The following CACNA2D3 variants were observed in gnomAD, a reference collection of about 807,000 sequenced individuals.
CACNA2D3 encodes the protein voltage-dependent calcium channel subunit alpha-2/delta-3.
CACNA2D3 carries 60 observed loss-of-function variants against 160.6 expected under a neutral mutation model. That is an observed-to-expected ratio of 0.37 (90% CI 0.30 to 0.46). CACNA2D3 has a LOEUF of 0.46. Ranked by LOEUF, CACNA2D3 falls within the 20% of genes least tolerant of loss-of-function variation. The pLI, the probability that CACNA2D3 is intolerant of heterozygous loss-of-function variation, is 1.00. For synonymous variants in CACNA2D3, 558 were observed against 492.9 expected (o/e 1.13, Z -1.75); for missense variants, 1,205 against 1,365.0 (o/e 0.88, Z 1.85).
chr3:54,580,030 A>AG (rs906292926), intron 8 of CACNA2D3, among the ~76,000 whole-genome samples: 85 of 152,216 alleles, frequency 5.6e-4, no homozygotes, highest in African/African-American at 1.9e-3. Flanking sequence ...GGGGGCATTG[A>AG]GGACCTGTTG....
At chr3:54,780,603 G>A (rs1702514875) in intron 13 of CACNA2D3, among the ~76,000 whole-genome samples, 1 of 152,144 alleles carries the variant, frequency 6.6e-6, no homozygotes, top group African/African-American at 2.4e-5. Flanking sequence ...AGCTTCTTTA[G>A]CATTAGCCCT....
At chr3:54,924,163 G>A (rs780951984) in intron 27 of CACNA2D3, among the ~76,000 whole-genome samples, 15 of 152,182 alleles carry the variant, frequency 9.9e-5, no homozygotes, top group Non-Finnish European at 2.1e-4. Flanking sequence ...TGCTAAAGCA[G>A]AAAGGACAAT....
intron 2 of CACNA2D3, among the ~76,000 whole-genome samples, chr3:54,180,507 C>A (rs1700764306): frequency 6.6e-6 from 1 of 152,182 alleles, no homozygotes; most frequent in African/African-American, 2.4e-5. Flanking sequence ...TGAGATACAT[C>A]AACCTACTAC....
chr3:54,148,039 C>T (rs1559862537), intron 2 of CACNA2D3, among the ~76,000 whole-genome samples: 1 of 152,190 alleles, frequency 6.6e-6, no homozygotes, highest in Non-Finnish European at 1.5e-5. Flanking sequence ...CCTTGTGATC[C>T]GTCCGCCTTG....
chr3:54,307,792 A>G (rs1034333538), intron 2 of CACNA2D3, among the ~76,000 whole-genome samples: 2 of 152,228 alleles, frequency 1.3e-5, no homozygotes, highest in African/African-American at 2.4e-5. Context: ...TTCGATTTCC[A>G]GGACATCTTG....
intron 4 of CACNA2D3, among the ~76,000 whole-genome samples, chr3:54,424,964 A>G (rs1473526971): frequency 6.6e-6 from 1 of 152,192 alleles, no homozygotes; most frequent in Non-Finnish European, 1.5e-5. Context: ...TACAGAAAAA[A>G]GAGAGAAGGA....
rs192468666 is a variant in CACNA2D3 at position 55,017,852 on chromosome 3, T to C, written c.2876-354T>C. 2.0e-5 allele frequency among the ~76,000 whole-genome samples: 3 copies of C among 152,234 alleles called. No homozygotes were observed. The South Asian group carries it at 6.2e-4, about 31-fold the overall frequency. On this transcript the variant is annotated intron_variant, in intron 34 of 37. Coordinates refer to ENST00000474759, the MANE Select transcript of CACNA2D3 (RefSeq NM_018398.3). ...GACCTTTGTCTCACCCTAAATAATA[T>C]GGTATAACTTATATTTTATACATTT...
intron 17 of CACNA2D3, among the ~76,000 whole-genome samples, chr3:54,859,972 G>GCGTGCGCA (rs535185040): frequency 7.5e-6 from 1 of 133,788 alleles, no homozygotes; most frequent in African/African-American, 2.8e-5. Context: ...GAAAGTAGAT[G>GCGTGCGCA]CACACACACA....
chr3:54,416,340 C>T (rs770827945), intron 4 of CACNA2D3, among the ~76,000 whole-genome samples: 11 of 152,162 alleles, frequency 7.2e-5, no homozygotes, highest in Non-Finnish European at 1.3e-4. Context: ...CATTCCCTTC[C>T]ATTTTTGGAG....
At chr3:54,971,890 G>A (rs1475458158) in intron 29 of CACNA2D3, among the ~76,000 whole-genome samples, 1 of 152,154 alleles carries the variant, frequency 6.6e-6, no homozygotes, top group African/African-American at 2.4e-5. Flanking sequence ...ATACAATGGG[G>A]ATAGAAATAT....
intron 4 of CACNA2D3, among the ~76,000 whole-genome samples, chr3:54,393,014 G>C (rs1699308412): frequency 6.6e-6 from 1 of 152,192 alleles, no homozygotes; most frequent in Non-Finnish European, 1.5e-5. Context: ...GCTGGATTTT[G>C]ATGAAAATAA....
Position 54,693,187 on chromosome 3 carries a change from T to G in CACNA2D3, c.1167+50946T>G, listed in dbSNP as rs184602738. Among the ~76,000 whole-genome samples the G allele has an allele frequency of 3.9e-5, 6 of 152,352 alleles. No homozygotes were observed. In the South Asian group the frequency reaches 1.0e-3, roughly 26 times the overall value. On this transcript the variant is annotated intron_variant, in intron 11 of 37. Coordinates refer to ENST00000474759, the MANE Select transcript of CACNA2D3 (RefSeq NM_018398.3). ...ATCATCTCATAGAAAAATGGGCATC[T>G]TAACACTAAAATGTGGGAAGGTCAT...
At chr3:54,288,649 T>G (rs1386562343) in intron 2 of CACNA2D3, among the ~76,000 whole-genome samples, 1 of 152,148 alleles carries the variant, frequency 6.6e-6, no homozygotes, top group Non-Finnish European at 1.5e-5. Context: ...ATATCCTTGA[T>G]GAACATTGAT....
chr3:54,129,653 C>A (rs1699667295), intron 2 of CACNA2D3, among the ~76,000 whole-genome samples: 1 of 152,184 alleles, frequency 6.6e-6, no homozygotes, highest in Non-Finnish European at 1.5e-5. Flanking sequence ...ACAGTACCCT[C>A]CCAAGGTTAA....
intron 2 of CACNA2D3, among the ~76,000 whole-genome samples, chr3:54,262,914 A>C (rs764008425): frequency 6.6e-6 from 1 of 152,178 alleles, no homozygotes; most frequent in Non-Finnish European, 1.5e-5. Context: ...CTAATTATTT[A>C]AGTAAATCAG....
chr3:54,270,183 T>G (rs1320729696), intron 2 of CACNA2D3, among the ~76,000 whole-genome samples: 1 of 152,254 alleles, frequency 6.6e-6, no homozygotes, highest in African/African-American at 2.4e-5. Context: ...AGCAAACTTA[T>G]CTAGGTGCTG....
chr3:54,189,741 G>A (rs945136211), intron 2 of CACNA2D3, among the ~76,000 whole-genome samples: 2 of 152,164 alleles, frequency 1.3e-5, no homozygotes, highest in African/African-American at 4.8e-5. Flanking sequence ...ATTCACCAGA[G>A]GCCTGATCTC....
chr3:54,381,952 G>T (rs892383676), intron 3 of CACNA2D3, among the ~76,000 whole-genome samples: 7 of 152,186 alleles, frequency 4.6e-5, no homozygotes, highest in African/African-American at 1.7e-4. Context: ...AGTCGAGCAT[G>T]TGTATTCCAG....
chr3:54,731,994 G>A (rs1701398691), intron 11 of CACNA2D3, among the ~76,000 whole-genome samples: 1 of 152,076 alleles, frequency 6.6e-6, no homozygotes, highest in African/African-American at 2.4e-5. Flanking sequence ...ATTTATGCCT[G>A]TGCTTCCTTA....
Sources: gnomAD v4.1 joint callset for allele counts (sites outside exome capture counted in the v4.1 genomes callset) on GRCh38, gnomAD v4.1.1 for gene constraint, MANE v1.5 for transcripts, NCBI Gene and HGNC (gene_info 2026-07-23, HGNC 2026-07-21) for gene names.